The following GLYATL2 variants were observed in gnomAD, a reference collection of about 807,000 sequenced individuals.
GLYATL2 encodes the protein glycine-N-acyltransferase like 2.
GLYATL2 carries 25 observed loss-of-function variants against 21.4 expected under a neutral mutation model. The ratio of observed to expected loss-of-function variants is 1.17; its 90% CI spans 0.85 to 1.63. The LOEUF (loss-of-function observed/expected upper bound fraction) is 1.63. Among genes scored for constraint, GLYATL2 ranks in the 40% most tolerant of loss-of-function variants. The pLI, the probability that GLYATL2 is intolerant of heterozygous loss-of-function variation, is 0.00. For missense variants in GLYATL2, 361 were observed against 343.3 expected (o/e 1.05, Z -0.41); for synonymous variants, 114 against 118.2 (o/e 0.96, Z 0.23).
chr11:58,838,433 G>C, intron 2 of GLYATL2, 65 bp from the exon 3 acceptor site: 3 of 1,006,672 alleles, frequency 3.0e-6, no homozygotes, highest in Non-Finnish European at 4.6e-6. Flanking sequence ...TCTTATATGT[G>C]GAGAAATAAG....
At chr11:58,863,057 G>T (rs1252273850) in intron 1 of GLYATL2, among the ~76,000 whole-genome samples, 4 of 152,188 alleles carry the variant, frequency 2.6e-5, no homozygotes, top group Non-Finnish European at 5.9e-5. Flanking sequence ...TGGTGCCTGT[G>T]TCAGCTGGTG....
intron 1 of GLYATL2, among the ~76,000 whole-genome samples, chr11:58,896,928 A>G (rs1854645823): frequency 6.6e-6 from 1 of 152,164 alleles, no homozygotes; most frequent in South Asian, 2.1e-4. Context: ...TCTCCAAGGA[A>G]GATTCCACCT....
chr11:58,846,036 C>T (rs113556471), upstream of GLYATL2, among the ~76,000 whole-genome samples: 24 of 152,182 alleles, frequency 1.6e-4, no homozygotes, highest in Admixed American at 3.3e-4. Flanking sequence ...TAATTGTAAA[C>T]GATTATTTTG....
At chr11:58,888,194 G>C (rs961856451) in intron 1 of GLYATL2, among the ~76,000 whole-genome samples, 1 of 152,074 alleles carries the variant, frequency 6.6e-6, no homozygotes, top group Non-Finnish European at 1.5e-5. Flanking sequence ...AATTCTGTAA[G>C]TGTTTTGGAT....
chr11:58,862,663 CT>C (rs1233507036), intron 1 of GLYATL2, among the ~76,000 whole-genome samples: 3 of 152,098 alleles, frequency 2.0e-5, no homozygotes, highest in African/African-American at 7.2e-5. Flanking sequence ...TATGATTTCT[CT>C]TTGTTGAACT....
At chr11:58,842,476 CTGTGTGTGTGTGTGTG>C (rs34133004) in intron 1 of GLYATL2, among the ~76,000 whole-genome samples, 19 of 134,850 alleles carry the variant, frequency 1.4e-4, no homozygotes, top group East Asian at 6.6e-4. Flanking sequence ...GAGTGAGACT[CTGTGTGTGTGTGTGTG>C]TGTGTGTGTG....
chr11:58,902,653 C>T (rs1338510488), intron 1 of GLYATL2, among the ~76,000 whole-genome samples: 1 of 152,228 alleles, frequency 6.6e-6, no homozygotes, highest in Non-Finnish European at 1.5e-5. Context: ...CCTCACCCGA[C>T]CATGTGAGGG....
At position 58,900,193 on chromosome 11, in the gene GLYATL2, T is replaced by C. The variant is rs562464037; in HGVS notation, n.60+3963A>G. Among the ~76,000 whole-genome samples the C allele has an allele frequency of 1.1e-4, 17 of 152,292 alleles. No homozygotes were observed. The South Asian group carries it at 3.3e-3, about 30-fold the overall frequency. On this transcript the variant is annotated intron_variant and non_coding_transcript_variant, in intron 1 of 4. Transcript: ENST00000533636. ...GTGAATGAACGCGTGGACAGCAGGA[T>C]GGATCAGTGAGTGAGGAGCAGTGAT...
intron 1 of GLYATL2, among the ~76,000 whole-genome samples, chr11:58,903,329 A>ATC (rs1413588012): frequency 6.6e-6 from 1 of 152,062 alleles, no homozygotes; most frequent in Non-Finnish European, 1.5e-5. Context: ...ATTTGCCATG[A>ATC]TCTCTCTCTG....
intron 1 of GLYATL2, among the ~76,000 whole-genome samples, chr11:58,894,025 G>C (rs1854591565): frequency 6.6e-6 from 1 of 152,188 alleles, no homozygotes; most frequent in African/African-American, 2.4e-5. Flanking sequence ...AGAATCTCCA[G>C]AGAATCAAGT....
chr11:58,878,731 A>C (rs971304717), intron 1 of GLYATL2, among the ~76,000 whole-genome samples: 6 of 152,184 alleles, frequency 3.9e-5, no homozygotes, highest in Admixed American at 2.6e-4. Flanking sequence ...CCAGTATTTT[A>C]GGTAAAAATG....
chr11:58,848,783 G>A (rs1286322940), upstream of GLYATL2, among the ~76,000 whole-genome samples: 1 of 152,018 alleles, frequency 6.6e-6, no homozygotes, highest in Non-Finnish European at 1.5e-5. Flanking sequence ...GGGGTAGAAA[G>A]TTTATTTAAA....
chr11:58,882,931 T>C (rs762231702), intron 1 of GLYATL2, among the ~76,000 whole-genome samples: 5 of 152,194 alleles, frequency 3.3e-5, no homozygotes, highest in Non-Finnish European at 7.3e-5. Context: ...ATCTCTGTTT[T>C]GGTGCCATGC....
chr11:58,865,841 C>G (rs1428854349), intron 1 of GLYATL2, among the ~76,000 whole-genome samples: 1 of 148,726 alleles, frequency 6.7e-6, no homozygotes, highest in East Asian at 2.2e-4. Context: ...AAATGGTGAA[C>G]AAAAGATGAA....
chr11:58,894,083 C>T (rs1490542092), intron 1 of GLYATL2, among the ~76,000 whole-genome samples: 2 of 152,166 alleles, frequency 1.3e-5, no homozygotes, highest in East Asian at 1.9e-4. Flanking sequence ...TGTTGTGCCT[C>T]CTTTCTCCTA....
At chr11:58,875,335 A>T (rs1854208301) in intron 1 of GLYATL2, among the ~76,000 whole-genome samples, 1 of 152,170 alleles carries the variant, frequency 6.6e-6, no homozygotes, top group Non-Finnish European at 1.5e-5. Context: ...TGTCATTATG[A>T]CGTTAGCTGG....
intron 1 of GLYATL2, among the ~76,000 whole-genome samples, chr11:58,874,980 G>T (rs1240576654): frequency 6.6e-6 from 1 of 152,258 alleles, no homozygotes; most frequent in East Asian, 1.9e-4. Context: ...CTCCTATATT[G>T]GGTGCATATA....
chr11:58,880,137 CG>C lies in GLYATL2; in HGVS notation n.60+24018del, dbSNP rs576810170. ...CCTCCCAAAGTGCGGGGATTACAGG[CG>C]TGAGCCACCGTGCCCGGCCAACAGT... On this transcript the variant is annotated intron_variant and non_coding_transcript_variant, in intron 1 of 4. Coordinates refer to the GLYATL2 transcript ENST00000533636. 2.2e-3 allele frequency among the ~76,000 whole-genome samples: 330 copies of C among 152,254 alleles called. 4 individuals carry two copies. The highest frequency in any genetic ancestry group is 0.016 in the South Asian group (77 of 4,822).
intron 1 of GLYATL2, among the ~76,000 whole-genome samples, chr11:58,897,075 T>C (rs1461487331): frequency 1.3e-5 from 2 of 152,202 alleles, no homozygotes; most frequent in African/African-American, 4.8e-5. Context: ...ATATGAAACT[T>C]CCCTTGACAC....
Sources: allele counts gnomAD v4.1 joint callset (sites outside exome capture counted in the v4.1 genomes callset), GRCh38; gene constraint gnomAD v4.1.1; transcripts MANE v1.5; gene names NCBI Gene and HGNC (gene_info 2026-07-23, HGNC 2026-07-21).